The following CYP4F11 variants were observed in gnomAD, a reference collection of about 807,000 sequenced individuals.
CYP4F11 encodes the protein cytochrome P450 4F11.
CYP4F11 carries 79 observed loss-of-function variants against 62.2 expected under a neutral mutation model. The ratio of observed to expected loss-of-function variants is 1.27; its 90% CI spans 1.06 to 1.53. CYP4F11 has a LOEUF of 1.53. Among genes scored for constraint, CYP4F11 ranks in the 40% most tolerant of loss-of-function variants. The probability of loss-of-function intolerance (pLI) is 0.00; values close to 1 mark genes in which losing one functional copy is unlikely to be tolerated. For missense variants in CYP4F11, 777 were observed against 680.5 expected (o/e 1.14, Z -1.58); for synonymous variants, 290 against 263.7 (o/e 1.10, Z -0.97).
At chr19:15,924,916 A>G (rs1178848036) in intron 4 of CYP4F11, 34 bp from the exon 5 acceptor site, 3 of 1,592,486 alleles carry the variant, frequency 1.9e-6, no homozygotes, top group Non-Finnish European at 2.6e-6. Flanking sequence ...AAAGCTGGGA[A>G]CTGCCTCCTG....
chr19:15,915,022 G>T, intron 8 of CYP4F11, 127 bp from the exon 9 acceptor site: 1 of 1,414,808 alleles, frequency 7.1e-7, no homozygotes, highest in Non-Finnish European at 9.3e-7. Flanking sequence ...AAATACTGGA[G>T]AATTTAAAAA....
chr19:15,931,591 A>AGTGAGTGAGCGAGGAG (rs2089721838), intron 1 of CYP4F11, among the ~76,000 whole-genome samples: 1 of 118,798 alleles, frequency 8.4e-6, no homozygotes, highest in Non-Finnish European at 1.8e-5. Flanking sequence ...CGAGGAGAGG[A>AGTGAGTGAGCGAGGAG]ATGAGTGAGT....
In CYP4F11 at chr19:15,912,743, ATATGTGTGTG is replaced by A. The variant is rs1205381074; in HGVS notation, c.*979_*988del. The A allele has an allele frequency of 1.2e-4, 4 of 34,116 alleles. No homozygotes were observed. The highest frequency in any genetic ancestry group is 2.3e-4 in the African/African-American group (2 of 8,660). The allele number at this position is 34,116 out of a possible 1,614,324, so 2.1% of individuals were successfully genotyped here. On this transcript the variant is annotated 3_prime_UTR_variant, in exon 12 of 12. Transcript: ENST00000402119. ...TGTGTGTGTGTGTGTGTATATGTAT[ATATGTGTGTG>A]TGTGTGTGTGTGTGTGTGTATATAT...
At chr19:15,922,898 A>AT in intron 6 of CYP4F11, among the ~76,000 whole-genome samples, 1 of 152,022 alleles carries the variant, frequency 6.6e-6, no homozygotes, top group Non-Finnish European at 1.5e-5. Flanking sequence ...TACTAAAAAA[A>AT]AAATTAGCCT....
intron 1 of CYP4F11, among the ~76,000 whole-genome samples, chr19:15,930,615 A>G (rs1035598295): frequency 6.6e-6 from 1 of 152,000 alleles, no homozygotes; most frequent in Non-Finnish European, 1.5e-5. Flanking sequence ...TAAATAAAAG[A>G]TCCAAGAGTA....
intron 1 of CYP4F11, among the ~76,000 whole-genome samples, chr19:15,930,022 T>A (rs1202320282): frequency 6.6e-6 from 1 of 151,876 alleles, no homozygotes; most frequent in African/African-American, 2.4e-5. Context: ...CATCATCACA[T>A]TTTCCAATTT....
intron 8 of CYP4F11, among the ~76,000 whole-genome samples, chr19:15,920,828 C>A (rs2089620305): frequency 6.6e-6 from 1 of 152,130 alleles, no homozygotes; most frequent in African/African-American, 2.4e-5. Context: ...CTGCTGCCAT[C>A]TCCAGGTTCA....
Position 15,914,608 on chromosome 19 carries a change from G to A in CYP4F11, c.1308C>T (p.Asp436=), listed in dbSNP as rs755824248. The change falls in exon 10 of 12, where the codon GAC becomes GAT. Residue 436 remains aspartate, a synonymous_variant. Coordinates refer to ENST00000402119, the MANE Select transcript of CYP4F11 (RefSeq NM_021187.4). The part of the protein sequence containing the change: ...GIHYNPTVWP[D]PEVYDPFRFD... The stretch of plus-strand genomic sequence containing the variant: ...GGGGTGAGGGAGGCACTACCTCAGG[G>A]TCTGGCCACACAGTTGGGTTGTAAT... 3 of 1,614,178 alleles carry A rather than the reference G, an allele frequency of 1.9e-6. No individual in the cohort carries two copies. The highest frequency in any genetic ancestry group is 3.3e-4 in the Middle Eastern group (2 of 6,062).
At chr19:15,914,508 G>A in intron 10 of CYP4F11, 94 bp downstream of exon 10, 3 of 1,555,176 alleles carry the variant, frequency 1.9e-6, no homozygotes, top group Non-Finnish European at 1.8e-6. Context: ...CCATTGAGGA[G>A]AGGTGATGTT....
chr19:15,922,269 G>C lies in CYP4F11; in HGVS notation c.985+95C>G, dbSNP rs1250290790. ...CCTCAGGAGAATGTAGGGAGGAGGA[G>C]GATGGGCAGAATTAAGTGATCCAGG... On this transcript the variant is annotated intron_variant, in intron 7 of 11. Transcript: ENST00000402119. The C allele has an allele frequency of 1.4e-5, 22 of 1,600,578 alleles. No individual in the cohort carries two copies. The South Asian group carries it at 2.1e-4, about 15-fold the overall frequency.
rs1382234074 is a variant in CYP4F11 at position 15,912,739 on chromosome 19, G to GTA, written c.*991_*992dup. The GTA allele has an allele frequency of 2.7e-5, 1 of 37,602 alleles. No individual in the cohort carries two copies. Among genetic ancestry groups the GTA allele is most frequent in the African/African-American group, 1.1e-4 (1 of 9,290 alleles). The allele number at this position is 37,602 out of a possible 1,614,324, so 2.3% of individuals were successfully genotyped here. ...TGTGTGTGTGTGTGTGTGTGTATAT[G>GTA]TATATATGTGTGTGTGTGTGTGTGT... On this transcript the variant is annotated 3_prime_UTR_variant, in exon 12 of 12. Coordinates refer to ENST00000402119, the MANE Select transcript of CYP4F11 (RefSeq NM_021187.4).
intron 4 of CYP4F11, 151 bp downstream of exon 4, chr19:15,927,061 G>T: frequency 1.1e-6 from 1 of 890,918 alleles, no homozygotes; most frequent in Non-Finnish European, 1.7e-6. Flanking sequence ...CTTTTAAGTA[G>T]AGATTGTTAT....
chr19:15,915,451 G>A (rs1169179265), intron 8 of CYP4F11, among the ~76,000 whole-genome samples: 1 of 152,070 alleles, frequency 6.6e-6, no homozygotes. Flanking sequence ...TTTTTCTGTG[G>A]CTGTTTAAAA....
chr19:15,922,256 G>A (rs1237392653), intron 7 of CYP4F11, 90 bp from the exon 8 acceptor site: 2 of 1,598,916 alleles, frequency 1.3e-6, no homozygotes, highest in Non-Finnish European at 1.7e-6. Flanking sequence ...TCAGGAGAAT[G>A]TAGGGAGGAG....
intron 8 of CYP4F11, 59 bp from the exon 9 acceptor site, chr19:15,914,954 T>C (rs2145036303): frequency 6.3e-7 from 1 of 1,588,396 alleles, no homozygotes; most frequent in Non-Finnish European, 8.5e-7. Context: ...ATTCTCCAGC[T>C]TCTCTGTTTC....
chr19:15,913,558 G>A lies in CYP4F11; in HGVS notation c.*174C>T, dbSNP rs2089554453. On this transcript the variant is annotated 3_prime_UTR_variant, in exon 12 of 12. Coordinates refer to ENST00000402119, the MANE Select transcript of CYP4F11 (RefSeq NM_021187.4). The stretch of plus-strand genomic sequence containing the variant: ...AGATGCCCTGTGCTCAGCCAGAGAG[G>A]CCGTCAGGGTTTTGGGTTCAGAGAC... 2 of 756,998 alleles carry A rather than the reference G, an allele frequency of 2.6e-6. No individual in the cohort carries two copies. Among genetic ancestry groups the A allele is most frequent in the Non-Finnish European group, 4.2e-6 (2 of 472,862 alleles). 46.9% of individuals were successfully genotyped at this position (756,998 alleles called of 1,614,324 possible).
At position 15,912,727 on chromosome 19, in the gene CYP4F11, G is replaced by GTATATATATATA. The variant is rs2089543892; in HGVS notation, c.*1004_*1005insTATATATATATA. 1 of 74,862 alleles carries GTATATATATATA rather than the reference G, an allele frequency of 1.3e-5. No individual in the cohort carries two copies. Among genetic ancestry groups the GTATATATATATA allele is most frequent in the Non-Finnish European group, 2.5e-5 (1 of 39,260 alleles). 4.6% of individuals were successfully genotyped at this position (74,862 alleles called of 1,614,324 possible). On this transcript the variant is annotated 3_prime_UTR_variant, in exon 12 of 12. Coordinates refer to ENST00000402119, the MANE Select transcript of CYP4F11 (RefSeq NM_021187.4). ...TGTGTGTGTGTGTGTGTGTGTGTGT[G>GTATATATATATA]TGTGTGTATATGTATATATGTGTGT...
intron 2 of CYP4F11, among the ~76,000 whole-genome samples, chr19:15,928,768 T>G (rs893392089): frequency 6.6e-6 from 1 of 152,168 alleles, no homozygotes; most frequent in African/African-American, 2.4e-5. Context: ...GGCCCCAGAC[T>G]GGGGTGGGAT....
intron 8 of CYP4F11, among the ~76,000 whole-genome samples, chr19:15,920,085 T>C (rs1264587061): frequency 6.6e-6 from 1 of 152,236 alleles, no homozygotes; most frequent in Non-Finnish European, 1.5e-5. Context: ...TTCTCACTGC[T>C]AAAATAATAA....
Sources: allele counts gnomAD v4.1 joint callset (sites outside exome capture counted in the v4.1 genomes callset), GRCh38; gene constraint gnomAD v4.1.1; transcripts MANE v1.5; gene names NCBI Gene and HGNC (gene_info 2026-07-23, HGNC 2026-07-21).